The following NPAS3 variants were observed in gnomAD, a reference collection of about 807,000 sequenced individuals.
The protein encoded by NPAS3 is neuronal PAS domain protein 3.
A neutral mutation model predicts 73.1 loss-of-function variants in NPAS3; 14 were observed. The observed-to-expected ratio is 0.19, with a 90% CI of 0.13 to 0.30. NPAS3 has a LOEUF of 0.30. NPAS3 is among the 10% of genes least tolerant of loss of function. The probability of loss-of-function intolerance (pLI) is 1.00; values close to 1 mark genes in which losing one functional copy is unlikely to be tolerated. For missense variants in NPAS3, 1,096 were observed against 1,250.0 expected (o/e 0.88, Z 1.86); for synonymous variants, 620 against 541.5 (o/e 1.14, Z -2.01).
chr14:33,750,472 T>A (rs987400963), intron 7 of NPAS3, among the ~76,000 whole-genome samples: 1 of 152,232 alleles, frequency 6.6e-6, no homozygotes, highest in African/African-American at 2.4e-5. Flanking sequence ...TAACTAATTT[T>A]ACGTATTCTA....
intron 4 of NPAS3, among the ~76,000 whole-genome samples, chr14:33,397,805 C>T (rs528809024): frequency 6.6e-5 from 10 of 152,220 alleles, no homozygotes; most frequent in South Asian, 6.2e-4. Flanking sequence ...TTGACCACTG[C>T]GCTCTGAGTA....
intron 1 of NPAS3, among the ~76,000 whole-genome samples, chr14:33,037,498 AAAAG>A (rs1157457963): frequency 1.3e-5 from 2 of 151,016 alleles, no homozygotes; most frequent in African/African-American, 4.9e-5. Flanking sequence ...AAAAAAAGAA[AAAAG>A]AAAAAAAGAA....
chr14:33,510,986 G>A (rs1229930946), intron 4 of NPAS3, among the ~76,000 whole-genome samples: 1 of 152,068 alleles, frequency 6.6e-6, no homozygotes, highest in South Asian at 2.1e-4. Context: ...TCTTAGGTGG[G>A]TACCTCCAGT....
intron 5 of NPAS3, among the ~76,000 whole-genome samples, chr14:33,585,061 A>G (rs576319060): frequency 1.3e-5 from 2 of 151,340 alleles, no homozygotes; most frequent in South Asian, 2.1e-4. Flanking sequence ...AGAAAGTTCA[A>G]TTCTTTCTTT....
chr14:33,762,225 T>C lies in NPAS3; in HGVS notation c.853-12112T>C, dbSNP rs1461732546. Among the ~76,000 whole-genome samples the C allele has an allele frequency of 7.2e-5, 11 of 152,142 alleles. No homozygotes were observed. The East Asian group carries it at 2.1e-3, about 29-fold the overall frequency. On this transcript the variant is annotated intron_variant, in intron 7 of 11. Transcript: ENST00000356141. ...TGAATCATAAAAATTGGTCCCTTTGTATGTAGGTTTGTATTAAATTGAGAT... is the reference window on the plus strand; with the variant it reads ...TGAATCATAAAAATTGGTCCCTTTGCATGTAGGTTTGTATTAAATTGAGAT...
intron 1 of NPAS3, among the ~76,000 whole-genome samples, chr14:32,978,925 G>A (rs2037793423): frequency 1.3e-5 from 2 of 152,112 alleles, no homozygotes; most frequent in Non-Finnish European, 2.9e-5. Flanking sequence ...TGTTTTTAGA[G>A]TCGAGAGGTC....
chr14:33,529,359 G>GCAT (rs1329573632), intron 4 of NPAS3, among the ~76,000 whole-genome samples: 1 of 151,962 alleles, frequency 6.6e-6, no homozygotes, highest in Non-Finnish European at 1.5e-5. Flanking sequence ...ATGCCTCAGG[G>GCAT]GTATTTTAGA....
chr14:33,377,724 T>C (rs1445322344), intron 4 of NPAS3, among the ~76,000 whole-genome samples: 1 of 152,198 alleles, frequency 6.6e-6, no homozygotes, highest in Non-Finnish European at 1.5e-5. Context: ...GGTAACATTT[T>C]GGAGGAAAGC....
intron 5 of NPAS3, among the ~76,000 whole-genome samples, chr14:33,672,259 AGATT>A (rs1406856777): frequency 6.6e-6 from 1 of 152,230 alleles, no homozygotes; most frequent in East Asian, 1.9e-4. Context: ...GCAAATAGAT[AGATT>A]ATGATGCTAT....
intron 2 of NPAS3, among the ~76,000 whole-genome samples, chr14:33,072,281 T>G (rs780507437): frequency 4.6e-5 from 7 of 152,178 alleles, no homozygotes; most frequent in Non-Finnish European, 1.0e-4. Context: ...CTAGACTAAT[T>G]TATGGGAACC....
intron 5 of NPAS3, among the ~76,000 whole-genome samples, chr14:33,661,134 A>G (rs1025208894): frequency 1.8e-4 from 27 of 151,100 alleles, no homozygotes; most frequent in African/African-American, 6.6e-4. Context: ...CAAACTGTCT[A>G]TCATGTGATG....
At chr14:33,048,600 C>G (rs1357709195) in intron 1 of NPAS3, among the ~76,000 whole-genome samples, 1 of 152,210 alleles carries the variant, frequency 6.6e-6, no homozygotes, top group Non-Finnish European at 1.5e-5. Flanking sequence ...AGGACAGTGC[C>G]TCAAACCATG....
At chr14:33,473,394 A>G (rs1219696147) in intron 4 of NPAS3, among the ~76,000 whole-genome samples, 2 of 152,200 alleles carry the variant, frequency 1.3e-5, no homozygotes, top group African/African-American at 4.8e-5. Flanking sequence ...AAGTTGATGA[A>G]TTTAATTAGC....
intron 3 of NPAS3, among the ~76,000 whole-genome samples, chr14:33,337,800 T>G (rs61972738): frequency 6.6e-6 from 1 of 152,012 alleles, no homozygotes; most frequent in African/African-American, 2.4e-5. Context: ...CTTGTACTTT[T>G]GTTTGCTAAA....
At chr14:33,101,479 C>A (rs747410591) in intron 2 of NPAS3, among the ~76,000 whole-genome samples, 1 of 151,982 alleles carries the variant, frequency 6.6e-6, no homozygotes, top group Non-Finnish European at 1.5e-5. Context: ...GTACATGTAG[C>A]GATTGAAAAA....
intron 3 of NPAS3, among the ~76,000 whole-genome samples, chr14:33,238,134 G>A (rs2383424): frequency 0.6 from 90,254 of 151,680 alleles, 28,103 homozygotes; most frequent in South Asian, 0.77. Context: ...TTCATGCTCA[G>A]TTTGGAGCTA....
intron 4 of NPAS3, among the ~76,000 whole-genome samples, chr14:33,401,064 G>A (rs1247958088): frequency 6.6e-6 from 1 of 152,086 alleles, no homozygotes; most frequent in Non-Finnish European, 1.5e-5. Context: ...TAGTTTGTTA[G>A]CAAGTTAGCA....
chr14:33,159,455 C>T (rs1417373476), intron 2 of NPAS3, among the ~76,000 whole-genome samples: 1 of 151,956 alleles, frequency 6.6e-6, no homozygotes, highest in Non-Finnish European at 1.5e-5. Flanking sequence ...TTTCTTTTGT[C>T]CAAAACTTAA....
rs923090937 is a variant in NPAS3 at position 32,974,137 on chromosome 14, TGAG to T, written c.50+34775_50+34777del. ...GAGAACCTTCCAGAGGTCATTTACATGAGGAGAACTGTGAGTTTGATTACTGTC... is the reference window on the plus strand; with the variant it reads ...GAGAACCTTCCAGAGGTCATTTACATGAGAACTGTGAGTTTGATTACTGTC... On this transcript the variant is annotated intron_variant, in intron 1 of 11. Coordinates refer to ENST00000356141, the Ensembl canonical transcript of NPAS3. 2.5e-4 allele frequency among the ~76,000 whole-genome samples: 38 copies of T among 152,298 alleles called. No individual in the cohort carries two copies. In the South Asian group the frequency reaches 3.3e-3, roughly 13 times the overall value.
Sources: allele counts gnomAD v4.1 joint callset (sites outside exome capture counted in the v4.1 genomes callset), GRCh38; gene constraint gnomAD v4.1.1; transcripts MANE v1.5; gene names NCBI Gene and HGNC (gene_info 2026-07-23, HGNC 2026-07-21).